NCAPG: variants seen among roughly 807,000 people sequenced by gnomAD.
NCAPG encodes non-SMC condensin I complex subunit G.
NCAPG carries 69 observed loss-of-function variants against 113.1 expected under a neutral mutation model. The ratio of observed to expected loss-of-function variants is 0.61; its 90% CI spans 0.50 to 0.75. The LOEUF is 0.75. NCAPG is among the 30% of genes least tolerant of loss of function. The pLI, the probability that NCAPG is intolerant of heterozygous loss-of-function variation, is 0.00. For synonymous variants in NCAPG, 370 were observed against 415.8 expected (o/e 0.89, Z 1.34); for missense variants, 1,058 against 1,177.0 (o/e 0.90, Z 1.48).
rs116626877 is a variant in NCAPG, at chr4:17,830,163, G to A, written c.1765-834G>A. ...TAATCCTAGTACATTGGGAGGCCAA[G>A]GCGGGATGGCTTGAGCTCAGGAGTT... On this transcript the variant is annotated intron_variant, in intron 12 of 20. Coordinates refer to ENST00000251496, the MANE Select transcript of NCAPG (RefSeq NM_022346.5). Among the ~76,000 whole-genome samples the A allele has an allele frequency of 6.7e-3, 1,019 of 152,270 alleles. 16 individuals are homozygous for A. Among genetic ancestry groups the A allele is most frequent in the African/African-American group, 0.024 (982 of 41,554 alleles).
intron 13 of NCAPG, among the ~76,000 whole-genome samples, chr4:17,833,320 G>A (rs909372412): frequency 1.1e-4 from 17 of 151,288 alleles, no homozygotes; most frequent in African/African-American, 3.6e-4. Context: ...TTAACCAGGC[G>A]TGGTGGTATG....
At chr4:17,831,473 A>G (rs1721867108) in intron 13 of NCAPG, among the ~76,000 whole-genome samples, 1 of 152,206 alleles carries the variant, frequency 6.6e-6, no homozygotes, top group East Asian at 1.9e-4. Context: ...GGGGAAACAC[A>G]CAGTGAAAAA....
At chr4:17,817,133 T>G (rs1483469826) in intron 5 of NCAPG, 128 bp from the exon 6 acceptor site, 1 of 644,012 alleles carries the variant, frequency 1.6e-6, no homozygotes, top group Non-Finnish European at 2.7e-6. Context: ...ATATACATGC[T>G]TAGTTGTGCC....
chr4:17,818,920 C>T (rs959912512), intron 7 of NCAPG, among the ~76,000 whole-genome samples: 1 of 152,178 alleles, frequency 6.6e-6, no homozygotes, highest in Non-Finnish European at 1.5e-5. Flanking sequence ...GGAATTCCCT[C>T]TTTTATTTCC....
intron 9 of NCAPG, among the ~76,000 whole-genome samples, chr4:17,824,733 G>T (rs763520191): frequency 6.6e-6 from 1 of 151,970 alleles, no homozygotes; most frequent in East Asian, 1.9e-4. Context: ...TACTTTCACT[G>T]TCTGTGTGCC....
chr4:17,841,798 A>ATATT (rs1240072055), intron 19 of NCAPG: 2 of 152,416 alleles, frequency 1.3e-5, no homozygotes, highest in African/African-American at 2.4e-5. Flanking sequence ...ACATTGAAAT[A>ATATT]TATTTTAGAA....
chr4:17,840,826 C>T, intron 19 of NCAPG, 133 bp downstream of exon 19: 2 of 462,788 alleles, frequency 4.3e-6, no homozygotes, highest in Non-Finnish European at 7.3e-6. Context: ...TCTTTGGTAT[C>T]CTTTCTTTTT....
chr4:17,821,573 C>A (rs1435642422), intron 7 of NCAPG, among the ~76,000 whole-genome samples: 2 of 150,824 alleles, frequency 1.3e-5, no homozygotes, highest in Admixed American at 1.3e-4. Context: ...AAGCAATTCT[C>A]CTGCCTCAGC....
In NCAPG at chr4:17,825,445, C is replaced by G. The variant is rs775593715; in HGVS notation, c.1537C>G (p.Gln513Glu). Reference sequence around the variant, plus strand: ...AGCTTTGGAAAATTGCATTACCTTACAGGATTTTAATCGGGCATCAGAATT... The same window carrying G: ...AGCTTTGGAAAATTGCATTACCTTAGAGGATTTTAATCGGGCATCAGAATT... ...KEALENCITL[Q>E]DFNRASELKE... Residue 513 changes from glutamine to glutamate, a missense_variant, in exon 11 of 21, where the codon CAG (glutamine) becomes GAG (glutamate). Coordinates refer to ENST00000251496, the MANE Select transcript of NCAPG (RefSeq NM_022346.5). 47 of 1,608,318 alleles carry G rather than the reference C, an allele frequency of 2.9e-5. No individual in the cohort carries two copies. Among genetic ancestry groups the G allele is most frequent in the Non-Finnish European group, 4.0e-5 (47 of 1,178,250 alleles).
At chr4:17,842,469 G>C (rs1316089307) in intron 20 of NCAPG, 90 bp downstream of exon 20, 2 of 1,001,630 alleles carry the variant, frequency 2.0e-6, no homozygotes, top group Non-Finnish European at 3.1e-6. Context: ...GCGAATGAGA[G>C]AGAATATATA....
intron 18 of NCAPG, among the ~76,000 whole-genome samples, 160 bp downstream of exon 18, chr4:17,840,369 ATGT>A (rs1722305929): frequency 6.6e-6 from 1 of 151,896 alleles, no homozygotes; most frequent in African/African-American, 2.4e-5. Flanking sequence ...TTACTGATAA[ATGT>A]TTATTCTGCT....
chr4:17,811,838 T>C lies in NCAPG; in HGVS notation c.112-383T>C, dbSNP rs1720973584. Among the ~76,000 whole-genome samples the C allele has an allele frequency of 6.6e-6, 1 of 152,208 alleles. No homozygotes were observed. Among genetic ancestry groups the C allele is most frequent in the African/African-American group, 2.4e-5 (1 of 41,450 alleles). ...GAGGATATGAGATAGGATGTGCAAG[T>C]TATCTCATAAAGAAACTGCTGGTGA... On this transcript the variant is annotated intron_variant, in intron 1 of 20. Coordinates refer to ENST00000251496, the MANE Select transcript of NCAPG (RefSeq NM_022346.5). This position sits in a 1 kb window ranked among gnomAD's most constrained non-coding sequence, Gnocchi z 5.3.
rs1204512369 is a variant in NCAPG, at chr4:17,834,499, CCTTT to C, written c.2088_2091del (p.Ser697IlefsTer3). 1.9e-6 allele frequency: 3 copies of C among 1,591,218 alleles called. No homozygotes were observed. The highest frequency in any genetic ancestry group is 2.6e-6 in the Non-Finnish European group (3 of 1,169,504). Reference sequence around the variant, plus strand: ...CTACAGCTAAGAATGTTCTGAAACTCCTTTCTGATTTCTTAGATAGTGAGGTAAG... The same window carrying C: ...CTACAGCTAAGAATGTTCTGAAACTCCTGATTTCTTAGATAGTGAGGTAAG... On this transcript the variant is annotated frameshift_variant, in exon 14 of 21. Transcript: ENST00000251496. LOFTEE classifies it high-confidence loss of function.
At position 17,843,438 on chromosome 4, in the gene NCAPG, A is replaced by G; in HGVS notation, c.*13A>G. On this transcript the variant is annotated 3_prime_UTR_variant, in exon 21 of 21. Transcript: ENST00000251496. ...AGATCTAAGTTAGGAAAGACGATGG[A>G]GGTGGAATCCTTTAAGATTATGTCC... 2 of 1,609,840 alleles carry G rather than the reference A, an allele frequency of 1.2e-6. No homozygotes were observed. Among genetic ancestry groups the G allele is most frequent in the Non-Finnish European group, 8.5e-7 (1 of 1,176,944 alleles).
At position 17,840,049 on chromosome 4, in the gene NCAPG, TTAA is replaced by T. The variant is rs778065391; in HGVS notation, c.2629-17_2629-15del. The T allele has an allele frequency of 1.2e-5, 19 of 1,588,916 alleles. No homozygotes were observed. Among genetic ancestry groups the T allele is most frequent in the Non-Finnish European group, 1.6e-5 (19 of 1,171,034 alleles). On this transcript the variant is annotated intron_variant, in intron 17 of 20. Transcript: ENST00000251496. ...TAGGGAATGCGGTGTTTACAAAATGTTAATAATGTTTTCTTTTATAGCAAGTAA... is the reference window on the plus strand; with the variant it reads ...TAGGGAATGCGGTGTTTACAAAATGTTAATGTTTTCTTTTATAGCAAGTAA...
chr4:17,831,584 A>G (rs749704271), intron 13 of NCAPG, among the ~76,000 whole-genome samples: 1 of 152,166 alleles, frequency 6.6e-6, no homozygotes, highest in African/African-American at 2.4e-5. Flanking sequence ...GACCTCACTA[A>G]TAAGTTGACA....
chr4:17,834,179 A>T, intron 13 of NCAPG, 120 bp from the exon 14 acceptor site: 1 of 598,326 alleles, frequency 1.7e-6, no homozygotes, highest in Non-Finnish European at 2.8e-6. Context: ...TTTTCTTTAG[A>T]CTAGACACTG....
In NCAPG at chr4:17,833,662, G is replaced by A. The variant is rs75507060; in HGVS notation, c.1885-637G>A. Among the ~76,000 whole-genome samples the A allele has an allele frequency of 5.4e-3, 813 of 151,102 alleles. 21 individuals are homozygous for A. The East Asian group carries it at 0.067, about 12-fold the overall frequency. On this transcript the variant is annotated intron_variant, in intron 13 of 20. Coordinates refer to ENST00000251496, the MANE Select transcript of NCAPG (RefSeq NM_022346.5). ...TTTTGTAATATAAATACTGAGCTCTGTATTTTTTTCATGGCTTTGAAATTT... is the reference window on the plus strand; with the variant it reads ...TTTTGTAATATAAATACTGAGCTCTATATTTTTTTCATGGCTTTGAAATTT...
At chr4:17,840,274 A>G (rs1577213153) in intron 18 of NCAPG, 65 bp downstream of exon 18, 1 of 1,440,868 alleles carries the variant, frequency 6.9e-7, no homozygotes, top group Non-Finnish European at 9.2e-7. Flanking sequence ...TTACTGAGAC[A>G]TATTTTTTTC....
Sources: gnomAD v4.1 joint callset for allele counts (sites outside exome capture counted in the v4.1 genomes callset) on GRCh38, gnomAD v4.1.1 for gene constraint, Gnocchi (gnomAD v3.1) non-coding constraint, MANE v1.5 for transcripts, NCBI Gene and HGNC (gene_info 2026-07-23, HGNC 2026-07-21) for gene names.